Variants in PLAUR observed in about 807,000 individuals in gnomAD.
The protein encoded by PLAUR is urokinase plasminogen activator surface receptor.
In PLAUR, 22 loss-of-function variants were observed where a neutral mutation model predicts 33.4. The ratio of observed to expected loss-of-function variants is 0.66; its 90% confidence interval spans 0.47 to 0.94. The LOEUF is 0.94. Among genes scored for constraint, PLAUR ranks in the 40% least tolerant of loss-of-function variants. PLAUR has a pLI of 0.00. For synonymous variants in PLAUR, 148 were observed against 167.3 expected (o/e 0.88, Z 0.89); for missense variants, 408 against 434.7 (o/e 0.94, Z 0.55).
intron 5 of PLAUR, 75 bp from the exon 6 acceptor site, chr19:43,652,446 A>G: frequency 7.0e-7 from 1 of 1,426,628 alleles, no homozygotes; most frequent in East Asian, 2.3e-5. Flanking sequence ...TGACCTCCCC[A>G]GGACTTCCAC....
rs1973868003 is a variant in PLAUR at position 43,648,692 on chromosome 19, C to T, written c.*198G>A. 1.3e-6 allele frequency: 1 copy of T among 786,882 alleles called. No individual in the cohort carries two copies. The highest frequency in any genetic ancestry group is 3.2e-5 in the Admixed American group (1 of 30,796). 48.7% of individuals were successfully genotyped at this position (786,882 alleles called of 1,614,324 possible). A position where few individuals can be genotyped will look rare whatever the true frequency, so the allele number is the denominator to read the frequency against. ...ATAATAACAAGAGCTCTCCCATTGGCCCACGGCCTTCCTCCAGCTTTTCTC... is the reference window on the plus strand; with the variant it reads ...ATAATAACAAGAGCTCTCCCATTGGTCCACGGCCTTCCTCCAGCTTTTCTC... On this transcript the variant is annotated 3_prime_UTR_variant, in exon 7 of 7. Coordinates refer to ENST00000340093, the MANE Select transcript of PLAUR (RefSeq NM_002659.4).
chr19:43,650,356 C>T (rs1012912573), intron 6 of PLAUR, among the ~76,000 whole-genome samples: 3 of 150,650 alleles, frequency 2.0e-5, no homozygotes, highest in South Asian at 2.1e-4. Flanking sequence ...GACAGGGTCT[C>T]GCTCTGTTGC....
rs777016210 is a variant in PLAUR at position 43,652,054 on chromosome 19, C to T, written c.754+171G>A. On this transcript the variant is annotated intron_variant, in intron 6 of 6. Coordinates refer to ENST00000340093, the MANE Select transcript of PLAUR (RefSeq NM_002659.4). Reference sequence around the variant, plus strand: ...TTTCCATGGCAAAAATGTCCACATCCTGATGGACAAGTCCTAATTCCTTAC... The same window carrying T: ...TTTCCATGGCAAAAATGTCCACATCTTGATGGACAAGTCCTAATTCCTTAC... 2.1e-6 allele frequency: 3 copies of T among 1,400,994 alleles called. No individual in the cohort carries two copies. In the South Asian group the frequency reaches 4.6e-5, roughly 22 times the overall value. 86.8% of individuals were successfully genotyped at this position (1,400,994 alleles called of 1,614,324 possible).
chr19:43,647,927 G>A (rs1973850238), downstream of PLAUR, among the ~76,000 whole-genome samples: 1 of 147,780 alleles, frequency 6.8e-6, no homozygotes. Context: ...GCTGAGTTAG[G>A]TTAGAGAGCC....
intron 5 of PLAUR, among the ~76,000 whole-genome samples, chr19:43,654,067 T>C (rs1464572380): frequency 1.3e-5 from 2 of 150,816 alleles, no homozygotes; most frequent in East Asian, 3.9e-4. Context: ...GAGCTTGCAG[T>C]GAGCCAAGAT....
chr19:43,667,694 G>C lies in PLAUR; in HGVS notation c.56-3C>G. Reference sequence around the variant, plus strand: ...CATGCACCGCAGGCCCCAAGAGGCTGGGGGAAGGAGGGAGAGGAGAGGAGA... The same window carrying C: ...CATGCACCGCAGGCCCCAAGAGGCTCGGGGAAGGAGGGAGAGGAGAGGAGA... On this transcript the variant is annotated splice_polypyrimidine_tract_variant and splice_region_variant and intron_variant, in intron 1 of 6. Transcript: ENST00000340093. 6.2e-7 allele frequency: 1 copy of C among 1,612,938 alleles called. No individual in the cohort carries two copies. The highest frequency in any genetic ancestry group is 1.1e-5 in the South Asian group (1 of 91,066).
At chr19:43,658,562 C>T (rs1721000672) in intron 3 of PLAUR, among the ~76,000 whole-genome samples, 1 of 152,192 alleles carries the variant, frequency 6.6e-6, no homozygotes. Flanking sequence ...TTGCACGAAC[C>T]TTGTGGTGTT....
At chr19:43,657,720 G>A (rs1974271760) in intron 3 of PLAUR, among the ~76,000 whole-genome samples, 1 of 152,306 alleles carries the variant, frequency 6.6e-6, no homozygotes, top group Admixed American at 6.5e-5. Context: ...AGGGCCAGGG[G>A]CTGTCTTGAT....
intron 5 of PLAUR, among the ~76,000 whole-genome samples, chr19:43,654,140 T>C (rs1426635794): frequency 7.1e-6 from 1 of 139,920 alleles, no homozygotes; most frequent in Admixed American, 7.1e-5. Flanking sequence ...AAAAAAAAAA[T>C]GTAGCTGGGT....
intron 5 of PLAUR, among the ~76,000 whole-genome samples, chr19:43,653,976 TA>T (rs1471420900): frequency 6.6e-6 from 1 of 151,550 alleles, no homozygotes; most frequent in Non-Finnish European, 1.5e-5. Context: ...ATACAAAAAT[TA>T]GCCAGGCATG....
At chr19:43,654,065 A>G (rs2146214174) in intron 5 of PLAUR, among the ~76,000 whole-genome samples, 1 of 151,976 alleles carries the variant, frequency 6.6e-6, no homozygotes. Context: ...CGGAGCTTGC[A>G]GTGAGCCAAG....
At position 43,665,334 on chromosome 19, in the gene PLAUR, A is replaced by C. The variant is rs1264128291; in HGVS notation, c.292T>G (p.Cys98Gly). Residue 98 changes from cysteine to glycine, a missense_variant, in exon 3 of 7, where the codon TGC becomes GGC. Transcript: ENST00000340093. ...TACTCACCAGAGTTGCCCTGGTTGC[A>C]CAAGTCTAACCCACACACAACCTCG... The part of the protein sequence containing the change: ...LTEVVCGLDL[C>G]NQGNSGRAVT... 6.2e-7 allele frequency: 1 copy of C among 1,614,000 alleles called. No individual in the cohort carries two copies. Among genetic ancestry groups the C allele is most frequent in the Admixed American group, 1.7e-5 (1 of 59,988 alleles).
intron 1 of PLAUR, among the ~76,000 whole-genome samples, chr19:43,668,709 T>C (rs1264839683): frequency 7.7e-6 from 1 of 129,156 alleles, no homozygotes; most frequent in Non-Finnish European, 1.6e-5. Flanking sequence ...CTCTAGCTCC[T>C]CCCCGAGGTT....
At chr19:43,660,666 C>T (rs2146255126) in intron 3 of PLAUR, 1 of 151,966 alleles carries the variant, frequency 6.6e-6, no homozygotes, top group Non-Finnish European at 1.5e-5. Flanking sequence ...ATATTGATGC[C>T]AAACTTAGTG....
chr19:43,669,066 C>T (rs960138656), intron 1 of PLAUR, among the ~76,000 whole-genome samples: 1 of 152,208 alleles, frequency 6.6e-6, no homozygotes, highest in Admixed American at 6.5e-5. Flanking sequence ...CCCGGCCTCC[C>T]GCGGTCTCGA....
rs4251872 is a variant in PLAUR, at chr19:43,657,341, A to T, written c.311-701T>A. ...TACTGCCCTGAAAATAAATTCCAAG[A>T]TCCTCAGCATGGGATTCAAAGCCTA... On this transcript the variant is annotated intron_variant, in intron 3 of 6. Transcript: ENST00000340093. Among the ~76,000 whole-genome samples, 1,444 of 152,044 alleles carry T rather than the reference A, an allele frequency of 9.5e-3. 25 individuals carry two copies. Among genetic ancestry groups the T allele is most frequent in the African/African-American group, 0.033 (1,384 of 41,476 alleles).
intron 6 of PLAUR, chr19:43,651,879 G>C: frequency 9.6e-7 from 1 of 1,039,840 alleles, no homozygotes; most frequent in Non-Finnish European, 1.2e-6. Flanking sequence ...ATCCACCAAA[G>C]AATTCCATTT....
At chr19:43,656,834 G>T in intron 3 of PLAUR, 194 bp from the exon 4 acceptor site, 1 of 466,024 alleles carries the variant, frequency 2.1e-6, no homozygotes. Flanking sequence ...GTCCAGCTCA[G>T]ACCTCCTTCA....
intron 2 of PLAUR, 151 bp downstream of exon 2, chr19:43,667,430 T>A (rs344784): frequency 0.52 from 329,371 of 629,654 alleles, 86,777 homozygotes; most frequent in Non-Finnish European, 0.54. Context: ...TGTCAGATTT[T>A]TAAATGCTTG....
Sources: gnomAD v4.1 joint callset for allele counts (sites outside exome capture counted in the v4.1 genomes callset) on GRCh38, gnomAD v4.1.1 for gene constraint, MANE v1.5 for transcripts, NCBI Gene and HGNC (gene_info 2026-07-23, HGNC 2026-07-21) for gene names.